SPMIP7: variants seen among roughly 807,000 people sequenced by gnomAD.
The protein encoded by SPMIP7 is sperm microtubule inner protein 7.
the SPMIP7 span, among the ~76,000 whole-genome samples, chr7:50,137,673 T>A: frequency 1.3e-5 from 2 of 152,044 alleles, no homozygotes; most frequent in African/African-American, 4.8e-5. Flanking sequence ...AGCCAGTGTT[T>A]AGAATTTTCA....
the SPMIP7 span, chr7:50,142,524 A>G: frequency 1.3e-5 from 2 of 152,244 alleles, no homozygotes; most frequent in African/African-American, 4.8e-5. Flanking sequence ...GAGGGCCTCC[A>G]AGGTTGCAAA....
chr7:50,107,362 C>CAAAAAAAAAAAAA, the SPMIP7 span, among the ~76,000 whole-genome samples: 2 of 16,652 alleles, frequency 1.2e-4, no homozygotes, highest in Admixed American at 9.7e-4. Context: ...GACTCTGTCT[C>CAAAAAAAAAAAAA]AAAAAAAAAA....
chr7:50,140,275 G>T, the SPMIP7 span: 2 of 672,254 alleles, frequency 3.0e-6, no homozygotes, highest in African/African-American at 1.9e-5. Context: ...CACTTTTTAA[G>T]ACAACTTATA....
chr7:50,107,574 CAAAAATATGA>C, the SPMIP7 span, among the ~76,000 whole-genome samples: 1 of 151,108 alleles, frequency 6.6e-6, no homozygotes, highest in Non-Finnish European at 1.5e-5. Flanking sequence ...CACAAATATA[CAAAAATATGA>C]AAAATACAGA....
chr7:50,159,034 A>T, the SPMIP7 span: 2 of 1,550,534 alleles, frequency 1.3e-6, no homozygotes, highest in Non-Finnish European at 1.7e-6. Flanking sequence ...TTTTTTTCCC[A>T]TCCTGCCCCA....
chr7:50,100,163 G>A, the SPMIP7 span, among the ~76,000 whole-genome samples: 1 of 152,186 alleles, frequency 6.6e-6, no homozygotes, highest in African/African-American at 2.4e-5. Context: ...ACAGAAGCCA[G>A]TCCTCTGGGG....
the SPMIP7 span, among the ~76,000 whole-genome samples, chr7:50,157,024 C>A: frequency 9.7e-4 from 147 of 152,324 alleles, no homozygotes; most frequent in Non-Finnish European, 1.9e-3. Flanking sequence ...ATGCTCCTGC[C>A]TGCCAGGCTG....
At chr7:50,112,103 TA>T in the SPMIP7 span, among the ~76,000 whole-genome samples, 1 of 151,844 alleles carries the variant, frequency 6.6e-6, no homozygotes, top group Non-Finnish European at 1.5e-5. Context: ...TATCTTGGAA[TA>T]ATAATTAAAT....
At chr7:50,148,287 A>G in the SPMIP7 span, among the ~76,000 whole-genome samples, 16 of 152,358 alleles carry the variant, frequency 1.1e-4, no homozygotes, top group South Asian at 2.7e-3. Context: ...ATGAAATGTT[A>G]TTATTAAATA....
At chr7:50,143,527 A>G in the SPMIP7 span, among the ~76,000 whole-genome samples, 2 of 152,190 alleles carry the variant, frequency 1.3e-5, no homozygotes, top group Admixed American at 6.5e-5. Flanking sequence ...TGGCTTCAGC[A>G]TTGGAATCAC....
At chr7:50,132,085 A>G in the SPMIP7 span, among the ~76,000 whole-genome samples, 1 of 152,116 alleles carries the variant, frequency 6.6e-6, no homozygotes, top group Non-Finnish European at 1.5e-5. Flanking sequence ...TGTTATGAAA[A>G]CACTTAAAAA....
chr7:50,100,179 C>T, the SPMIP7 span, among the ~76,000 whole-genome samples: 1 of 152,154 alleles, frequency 6.6e-6, no homozygotes, highest in Non-Finnish European at 1.5e-5. Context: ...TGGGGAGCTC[C>T]CTTGGAAAAG....
chr7:50,096,340 C>T, the SPMIP7 span: 1 of 1,552,134 alleles, frequency 6.4e-7, no homozygotes, highest in African/African-American at 1.4e-5. Flanking sequence ...ATCCTTATCC[C>T]CCACCATATG....
chr7:50,100,673 G>A, the SPMIP7 span, among the ~76,000 whole-genome samples: 2 of 152,008 alleles, frequency 1.3e-5, no homozygotes, highest in South Asian at 4.1e-4. Context: ...TTAGCCAGGC[G>A]TGGTGGTGAG....
chr7:50,130,128 G>A, the SPMIP7 span, among the ~76,000 whole-genome samples: 4 of 152,080 alleles, frequency 2.6e-5, no homozygotes, highest in Non-Finnish European at 4.4e-5. Context: ...TACCTATTAC[G>A]AATCTATGTT....
the SPMIP7 span, among the ~76,000 whole-genome samples, chr7:50,109,139 T>TA: frequency 6.6e-6 from 1 of 152,198 alleles, no homozygotes; most frequent in African/African-American, 2.4e-5. Flanking sequence ...TGATTTATGA[T>TA]ATATAAAATG....
chr7:50,135,433 C>T, the SPMIP7 span, among the ~76,000 whole-genome samples: 8 of 152,008 alleles, frequency 5.3e-5, no homozygotes, highest in East Asian at 1.5e-3. Context: ...GTTAAGATGC[C>T]TATATTTTCT....
the SPMIP7 span, among the ~76,000 whole-genome samples, chr7:50,128,350 T>C: frequency 6.6e-6 from 1 of 151,920 alleles, no homozygotes. Context: ...GGCTGATTAA[T>C]GGGTACAAAT....
the SPMIP7 span, among the ~76,000 whole-genome samples, chr7:50,112,262 A>C: frequency 6.6e-6 from 1 of 152,144 alleles, no homozygotes; most frequent in South Asian, 2.1e-4. Flanking sequence ...ACAAAGAAGA[A>C]ACAATATACA....
Sources: gnomAD v4.1 joint callset for allele counts (sites outside exome capture counted in the v4.1 genomes callset) on GRCh38, gnomAD v4.1.1 for gene constraint, MANE v1.5 for transcripts, NCBI Gene and HGNC (gene_info 2026-07-23, HGNC 2026-07-21) for gene names.